The following TTC23L variants were observed in gnomAD, a reference collection of about 807,000 sequenced individuals.
TTC23L encodes the protein tetratricopeptide repeat protein 23-like.
In TTC23L, 42 loss-of-function variants were observed where a neutral mutation model predicts 48.1. That is an observed-to-expected ratio of 0.87 (90% CI 0.68 to 1.13). The LOEUF (loss-of-function observed/expected upper bound fraction) is 1.13. TTC23L is among the 50% of genes most tolerant of loss of function. TTC23L has a pLI of 0.00. For missense variants in TTC23L, 391 were observed against 421.0 expected, an observed-to-expected ratio of 0.93 and a Z score of 0.62; for synonymous variants, 159 against 157.2, an observed-to-expected ratio of 1.01 and a Z score of -0.09.
the TTC23L span, chr5:34,908,682 A>G: frequency 8.0e-7 from 1 of 1,257,630 alleles, no homozygotes; most frequent in Non-Finnish European, 1.1e-6. Flanking sequence ...AAAATCCAAT[A>G]TGAAATGACA....
rs181530891 is a variant in TTC23L at position 34,850,647 on chromosome 5, G to A, written c.379+339G>A. ...AAGGGCAGTATCAGGGGTTCCAGCCGGAGGACAGTAGGGGAAGGACAGGCA... is the reference window on the plus strand; with the variant it reads ...AAGGGCAGTATCAGGGGTTCCAGCCAGAGGACAGTAGGGGAAGGACAGGCA... On this transcript the variant is annotated intron_variant, in intron 4 of 10. Transcript: ENST00000505624. Among the ~76,000 whole-genome samples, 27 of 152,248 alleles carry A rather than the reference G, an allele frequency of 1.8e-4. No individual in the cohort carries two copies. The East Asian group carries it at 4.6e-3, about 26-fold the overall frequency.
chr5:34,861,387 T>C, intron 4 of TTC23L: 1 of 166,432 alleles, frequency 6.0e-6, no homozygotes, highest in Non-Finnish European at 1.3e-5. Context: ...CATTGTACTT[T>C]TGTCTCAGCT....
At chr5:34,844,102 G>A (rs1030193439) in intron 2 of TTC23L, among the ~76,000 whole-genome samples, 4 of 152,156 alleles carry the variant, frequency 2.6e-5, no homozygotes, top group Non-Finnish European at 5.9e-5. Context: ...GTTGTGTCTC[G>A]AAGGAGGAGT....
intron 3 of TTC23L, among the ~76,000 whole-genome samples, chr5:34,846,600 T>TATACACAC (rs61009546): frequency 6.5e-5 from 6 of 92,898 alleles, no homozygotes; most frequent in African/African-American, 1.6e-4. Context: ...TATATATATA[T>TATACACAC]ACACACACAT....
chr5:34,917,371 C>T, the TTC23L span, among the ~76,000 whole-genome samples: 4 of 152,130 alleles, frequency 2.6e-5, no homozygotes, highest in Admixed American at 6.5e-5. Flanking sequence ...TGGTGGCTCA[C>T]GCCTGTAATC....
intron 4 of TTC23L, among the ~76,000 whole-genome samples, chr5:34,858,939 CT>C (rs1376719635): frequency 1.3e-5 from 2 of 152,194 alleles, no homozygotes; most frequent in African/African-American, 4.8e-5. Flanking sequence ...AAGCAAGGAA[CT>C]CTATGATTGA....
intron 8 of TTC23L, among the ~76,000 whole-genome samples, chr5:34,874,186 C>T (rs1378916640): frequency 6.6e-6 from 1 of 152,164 alleles, no homozygotes; most frequent in Non-Finnish European, 1.5e-5. Flanking sequence ...AGAAATCTAT[C>T]TCCACAGGAA....
chr5:34,917,554 C>A, the TTC23L span, among the ~76,000 whole-genome samples: 1 of 151,738 alleles, frequency 6.6e-6, no homozygotes, highest in Non-Finnish European at 1.5e-5. Flanking sequence ...GCAGGAGAAT[C>A]GCTTGAACCC....
intron 8 of TTC23L, among the ~76,000 whole-genome samples, chr5:34,870,772 C>G (rs956508162): frequency 3.3e-5 from 5 of 152,134 alleles, no homozygotes; most frequent in African/African-American, 1.2e-4. Flanking sequence ...GGTATGGTCA[C>G]AGACCTCCGT....
chr5:34,915,918 G>T, the TTC23L span: 5 of 1,520,776 alleles, frequency 3.3e-6, no homozygotes, highest in Non-Finnish European at 3.5e-6. Flanking sequence ...ATGTCCCCGG[G>T]CTACACCTGC....
chr5:34,894,430 G>A (rs529505147), intron 9 of TTC23L, among the ~76,000 whole-genome samples: 1 of 152,208 alleles, frequency 6.6e-6, no homozygotes, highest in South Asian at 2.1e-4. Context: ...GTACACATTA[G>A]TGAGCAATAT....
At chr5:34,840,240 G>GC (rs1236190469) in intron 1 of TTC23L, among the ~76,000 whole-genome samples, 2 of 141,662 alleles carry the variant, frequency 1.4e-5, no homozygotes, top group South Asian at 2.4e-4. Context: ...ATGACCCCGG[G>GC]GGGGGGGGGG....
chr5:34,897,123 TGCTGTA>T (rs1261067258), intron 10 of TTC23L, among the ~76,000 whole-genome samples: 1 of 152,118 alleles, frequency 6.6e-6, no homozygotes, highest in Non-Finnish European at 1.5e-5. Flanking sequence ...CTGTAGCTCA[TGCTGTA>T]ATCCTAGCAC....
chr5:34,888,779 C>T (rs6885851), intron 9 of TTC23L, among the ~76,000 whole-genome samples: 5,890 of 152,160 alleles, frequency 0.039, 308 homozygotes, highest in African/African-American at 0.12. Flanking sequence ...TTATAATATC[C>T]CTTTCAATGC....
chr5:34,853,195 G>A (rs1036044024), intron 4 of TTC23L, among the ~76,000 whole-genome samples: 2 of 152,150 alleles, frequency 1.3e-5, no homozygotes, highest in Non-Finnish European at 2.9e-5. Flanking sequence ...TGAGCACATA[G>A]GAGCAAGTTG....
chr5:34,901,801 C>T (rs1389078663), downstream of TTC23L, among the ~76,000 whole-genome samples: 1 of 152,044 alleles, frequency 6.6e-6, no homozygotes, highest in East Asian at 1.9e-4. Flanking sequence ...AAACTAGGGA[C>T]AAGAGAGTGA....
At chr5:34,839,773 C>A in intron 1 of TTC23L, 2 of 409,162 alleles carry the variant, frequency 4.9e-6, no homozygotes, top group Non-Finnish European at 6.6e-6. Context: ...TTGATTTAAG[C>A]GACTGGCATA....
chr5:34,913,922 A>G, the TTC23L span: 1 of 456,602 alleles, frequency 2.2e-6, no homozygotes, highest in Non-Finnish European at 4.4e-6. Flanking sequence ...TCTCACTATG[A>G]TTACCCAGGC....
At chr5:34,846,134 G>T (rs528303742) in intron 3 of TTC23L, among the ~76,000 whole-genome samples, 1 of 152,112 alleles carries the variant, frequency 6.6e-6, no homozygotes, top group African/African-American at 2.4e-5. Flanking sequence ...CAGGGAGCCC[G>T]TGATTGTGCA....
Sources: allele counts gnomAD v4.1 joint callset (sites outside exome capture counted in the v4.1 genomes callset), GRCh38; gene constraint gnomAD v4.1.1; transcripts MANE v1.5; gene names NCBI Gene and HGNC (gene_info 2026-07-23, HGNC 2026-07-21).